The following MTERF2 variants were observed in gnomAD, a reference collection of about 807,000 sequenced individuals.
MTERF2 encodes the protein transcription termination factor 2, mitochondrial.
In MTERF2, 23 loss-of-function variants were observed where a neutral mutation model predicts 29.2. That is an observed-to-expected ratio of 0.79 (90% CI 0.57 to 1.12). MTERF2 has a LOEUF of 1.12. Among genes scored for constraint, MTERF2 ranks in the 50% most tolerant of loss-of-function variants. MTERF2 has a pLI of 0.00. For missense variants in MTERF2, 440 were observed against 429.4 expected (o/e 1.02, Z -0.22); for synonymous variants, 157 against 159.5 (o/e 0.98, Z 0.12).
Position 106,978,483 on chromosome 12 carries a change from C to T in MTERF2, c.232G>A (p.Glu78Lys). The T allele has an allele frequency of 2.5e-6, 4 of 1,614,224 alleles. No homozygotes were observed. Among genetic ancestry groups the T allele is most frequent in the East Asian group, 4.5e-5 (2 of 44,894 alleles). Residue 78 changes from glutamate to lysine, a missense_variant, in exon 3 of 3, where the codon GAA (glutamate) becomes AAA (lysine). Transcript: ENST00000240050. ...WVLLEDETYV[E>K]EIANILQELG... ...TCTTGTAAAATATTCGCAATTTCTT[C>T]AACATAGGTTTCATCCTCTAAAAGT...
chr12:106,986,933 G>A (rs1952125299), intron 1 of MTERF2, 36 bp downstream of exon 1: 1 of 152,292 alleles, frequency 6.6e-6, no homozygotes, highest in Non-Finnish European at 1.5e-5. Context: ...CGCTGGTGAG[G>A]AACACGCCCA....
At chr12:106,983,419 C>T (rs1054403310) in intron 2 of MTERF2, among the ~76,000 whole-genome samples, 3 of 152,130 alleles carry the variant, frequency 2.0e-5, no homozygotes, top group Non-Finnish European at 2.9e-5. Flanking sequence ...ATTTGTCTTT[C>T]GTGTCTGGCT....
intron 2 of MTERF2, chr12:106,980,474 T>C (rs1470824257): frequency 6.6e-6 from 1 of 152,180 alleles, no homozygotes; most frequent in African/African-American, 2.4e-5. Flanking sequence ...TTTATCTGCT[T>C]TTAAGAAACA....
intron 1 of MTERF2, chr12:106,986,388 TC>T (rs1468728744): frequency 2.0e-5 from 3 of 151,746 alleles, no homozygotes; most frequent in Non-Finnish European, 4.4e-5. Context: ...AATCATTAAA[TC>T]ATCACAACAA....
At position 106,977,835 on chromosome 12, in the gene MTERF2, A is replaced by C. The variant is rs1168595348; in HGVS notation, c.880T>G (p.Tyr294Asp). The C allele has an allele frequency of 6.2e-7, 1 of 1,613,968 alleles. No individual in the cohort carries two copies. The highest frequency in any genetic ancestry group is 8.5e-7 in the Non-Finnish European group (1 of 1,180,008). ...CTCTCTTCTAAAACTGGAACAGAAT[A>C]ATATAAAAGGGCAGGACATTTCAAA... Reference protein sequence around the residue: ...LVLKCPALLYYSVPVLEERMQ... With the variant: ...LVLKCPALLYDSVPVLEERMQ... Residue 294 changes from tyrosine (Y) to aspartate (D), a missense_variant, in exon 3 of 3, where the codon TAT (tyrosine) becomes GAT (aspartate). Tyr to Asp is a radical substitution (Grantham distance 160). Transcript: ENST00000240050.
In MTERF2 at chr12:106,978,726, A is replaced by G. The variant is rs761303266; in HGVS notation, c.-12T>C. 2 of 1,608,246 alleles carry G rather than the reference A, an allele frequency of 1.2e-6. No homozygotes were observed. The highest frequency in any genetic ancestry group is 3.4e-5 in the Admixed American group (2 of 59,074). Reference sequence around the variant, plus strand: ...AGCTTCCACAACATGGCTGCAATCTACTAGCTAGTTTCCACCGTCCTGGGA... The same window carrying G: ...AGCTTCCACAACATGGCTGCAATCTGCTAGCTAGTTTCCACCGTCCTGGGA... On this transcript the variant is annotated 5_prime_UTR_variant, in exon 3 of 3. Transcript: ENST00000240050.
At chr12:106,980,264 CAGTT>C (rs1435473114) in intron 2 of MTERF2, among the ~76,000 whole-genome samples, 1 of 152,092 alleles carries the variant, frequency 6.6e-6, no homozygotes, top group African/African-American at 2.4e-5. Context: ...CCCAAAGAAG[CAGTT>C]AGAGTCAGTT....
chr12:106,978,314 T>A lies in MTERF2; in HGVS notation c.401A>T (p.Glu134Val), dbSNP rs1187788266. 6.2e-7 allele frequency: 1 copy of A among 1,614,204 alleles called. No individual in the cohort carries two copies. Among genetic ancestry groups the A allele is most frequent in the Non-Finnish European group, 8.5e-7 (1 of 1,180,040 alleles). The change falls in exon 3 of 3, where the codon GAG (glutamate) becomes GTG (valine). Residue 134 changes from glutamate (E) to valine (V), a missense_variant. Transcript: ENST00000240050. ...KNEEELIKLI[E>V]QFPESFFTIK... is the part of the protein sequence containing the mutation. ...AGTAAAGAAAGATTCTGGAAACTGCTCTATTAACTTGATTAACTCTTCCTC... is the reference window on the plus strand; with the variant it reads ...AGTAAAGAAAGATTCTGGAAACTGCACTATTAACTTGATTAACTCTTCCTC...
chr12:106,982,067 G>A (rs1952058238), intron 2 of MTERF2, among the ~76,000 whole-genome samples: 1 of 152,176 alleles, frequency 6.6e-6, no homozygotes, highest in African/African-American at 2.4e-5. Flanking sequence ...TAGCCTCACT[G>A]TGCAGGAGCC....
chr12:106,981,656 G>C (rs1952053525), intron 2 of MTERF2, among the ~76,000 whole-genome samples: 1 of 151,956 alleles, frequency 6.6e-6, no homozygotes, highest in Non-Finnish European at 1.5e-5. Context: ...GAGTAGCTGG[G>C]ACTACAGCCA....
chr12:106,979,015 TA>T (rs550828598), intron 2 of MTERF2, among the ~76,000 whole-genome samples: 2,654 of 144,108 alleles, frequency 0.018, 54 homozygotes, highest in African/African-American at 0.051. Flanking sequence ...GTGAAACTCT[TA>T]AAAAAAAAAA....
At chr12:106,984,471 G>A (rs539145445) in intron 2 of MTERF2, among the ~76,000 whole-genome samples, 1 of 152,158 alleles carries the variant, frequency 6.6e-6, no homozygotes, top group Admixed American at 6.5e-5. Context: ...TTTCCAGGCT[G>A]CTCTTGAACT....
At chr12:106,983,305 C>G (rs1952072983) in intron 2 of MTERF2, among the ~76,000 whole-genome samples, 1 of 152,190 alleles carries the variant, frequency 6.6e-6, no homozygotes, top group African/African-American at 2.4e-5. Context: ...TAAACAATAA[C>G]TCTCCATACC....
At chr12:106,980,113 G>C (rs1952038987) in intron 2 of MTERF2, among the ~76,000 whole-genome samples, 1 of 152,080 alleles carries the variant, frequency 6.6e-6, no homozygotes, top group South Asian at 2.1e-4. Flanking sequence ...GGCCAGGATG[G>C]TCTCGATCTC....
chr12:106,977,739 T>G lies in MTERF2; in HGVS notation c.976A>C (p.Thr326Pro). The G allele has an allele frequency of 1.2e-6, 2 of 1,614,004 alleles. No homozygotes were observed. Among genetic ancestry groups the G allele is most frequent in the Admixed American group, 1.7e-5 (1 of 60,024 alleles). Residue 326 changes from threonine (T) to proline (P), a missense_variant, in exon 3 of 3, where the codon ACA becomes CCA. Coordinates refer to ENST00000240050, the MANE Select transcript of MTERF2 (RefSeq NM_001033050.3). Reference protein sequence around the residue: ...IRETPMVLELTPQIVQYRIRK... With the variant: ...IRETPMVLELPPQIVQYRIRK... ...ATCCTGTACTGTACTATCTGTGGTG[T>G]TAATTCAAGAACCATTGGCGTCTCT...
chr12:106,980,921 A>G (rs1056900115), intron 2 of MTERF2, among the ~76,000 whole-genome samples: 2 of 152,244 alleles, frequency 1.3e-5, no homozygotes, highest in Non-Finnish European at 2.9e-5. Context: ...GACTAAAATA[A>G]TTGTAGGCAT....
intron 2 of MTERF2, among the ~76,000 whole-genome samples, 182 bp downstream of exon 2, chr12:106,984,933 T>C (rs1034351033): frequency 6.6e-6 from 1 of 152,210 alleles, no homozygotes; most frequent in Non-Finnish European, 1.5e-5. Context: ...TCCTTATCTC[T>C]TTTGACTTCT....
rs1952019621 is a variant in MTERF2, at chr12:106,978,615, T to C, written c.100A>G (p.Thr34Ala). ...CTCGACTGTTTATCAGTTGTATAGG[T>C]GAAGCATGCTAAGAAAGGTCTGTAT... ...PKYRPFLACF[T>A]YTTDKQSSKE... Residue 34 changes from threonine to alanine, a missense_variant, in exon 3 of 3, where the codon ACC (threonine) becomes GCC (alanine). Transcript: ENST00000240050. 1.2e-6 allele frequency: 2 copies of C among 1,614,190 alleles called. No homozygotes were observed. Among genetic ancestry groups the C allele is most frequent in the South Asian group, 1.1e-5 (1 of 91,082 alleles).
rs1457062224 is a variant in MTERF2, at chr12:106,978,075, T to C, written c.640A>G (p.Ser214Gly). Residue 214 changes from serine to glycine, a missense_variant, in exon 3 of 3, where the codon AGC (serine) becomes GGC (glycine). Ser to Gly is a moderately conservative substitution (Grantham distance 56, BLOSUM62 0). Transcript: ENST00000240050. ...TTTAACAAAATAAATGGGTTTTGGC[T>C]TAACAATTTTAGTAGCCAAACTTTC... ...NMKVWLLKLL[S>G]QNPFILLNSP... 6.2e-7 allele frequency: 1 copy of C among 1,613,870 alleles called. No homozygotes were observed. Among genetic ancestry groups the C allele is most frequent in the Non-Finnish European group, 8.5e-7 (1 of 1,179,994 alleles).
Sources: allele counts gnomAD v4.1 joint callset (sites outside exome capture counted in the v4.1 genomes callset), GRCh38; gene constraint gnomAD v4.1.1; transcripts MANE v1.5; gene names NCBI Gene and HGNC (gene_info 2026-07-23, HGNC 2026-07-21).